The following GRID2 variants were observed in gnomAD, a reference collection of about 807,000 sequenced individuals.
GRID2 encodes glutamate receptor ionotropic, delta-2.
A neutral mutation model predicts 114.8 loss-of-function variants in GRID2; 33 were observed. The observed-to-expected ratio is 0.29, with a 90% CI of 0.22 to 0.38. The LOEUF (loss-of-function observed/expected upper bound fraction) is 0.38. GRID2 is among the 10% of genes least tolerant of loss of function. The pLI, the probability that GRID2 is intolerant of heterozygous loss-of-function variation, is 1.00. For missense variants in GRID2, 1,184 were observed against 1,257.7 expected, an observed-to-expected ratio of 0.94 and a Z score of 0.89; for synonymous variants, 505 against 449.9, an observed-to-expected ratio of 1.12 and a Z score of -1.55.
intron 4 of GRID2, among the ~76,000 whole-genome samples, chr4:93,192,396 T>C (rs936329709): frequency 3.3e-4 from 50 of 152,134 alleles, no homozygotes; most frequent in African/African-American, 1.1e-3. Flanking sequence ...CAACTTATAG[T>C]GTAAGATACA....
intron 8 of GRID2, among the ~76,000 whole-genome samples, chr4:93,362,281 A>G (rs2149276611): frequency 6.6e-6 from 1 of 152,030 alleles, no homozygotes; most frequent in African/African-American, 2.4e-5. Flanking sequence ...TGTTATTCAC[A>G]CCACTTACTA....
intron 13 of GRID2, among the ~76,000 whole-genome samples, chr4:93,534,162 A>T (rs1309665639): frequency 1.3e-5 from 2 of 151,944 alleles, no homozygotes; most frequent in Non-Finnish European, 2.9e-5. Context: ...TGACTTCCCT[A>T]TTTCTAAATG....
intron 1 of GRID2, among the ~76,000 whole-genome samples, chr4:92,358,882 G>T (rs1728471709): frequency 1.3e-5 from 2 of 151,802 alleles, no homozygotes; most frequent in Non-Finnish European, 2.9e-5. Context: ...TATGTATGCT[G>T]TATTCTAATA....
At chr4:92,499,580 GT>G (rs1723568217) in intron 1 of GRID2, among the ~76,000 whole-genome samples, 1 of 152,044 alleles carries the variant, frequency 6.6e-6, no homozygotes, top group Non-Finnish European at 1.5e-5. Context: ...AATAGTGTAG[GT>G]AGGTGATACA....
At chr4:92,713,153 C>G (rs1045414710) in intron 2 of GRID2, among the ~76,000 whole-genome samples, 5 of 150,020 alleles carry the variant, frequency 3.3e-5, no homozygotes, top group East Asian at 4.0e-4. Context: ...CCGCTCCCCC[C>G]ACCCCACAAC....
At chr4:93,800,656 G>C (rs1265202799) in intron 1 of GRID2, among the ~76,000 whole-genome samples, 1 of 152,076 alleles carries the variant, frequency 6.6e-6, no homozygotes, top group African/African-American at 2.4e-5. Flanking sequence ...ATACTTGCAT[G>C]GGTAGTTATA....
intron 8 of GRID2, among the ~76,000 whole-genome samples, chr4:93,252,438 T>G (rs985072819): frequency 1.5e-4 from 22 of 151,706 alleles, no homozygotes; most frequent in African/African-American, 5.3e-4. Context: ...TATCTGTTCT[T>G]GTACAAGTAC....
intron 8 of GRID2, among the ~76,000 whole-genome samples, chr4:93,347,331 A>G (rs1050312473): frequency 3.3e-5 from 5 of 152,196 alleles, no homozygotes; most frequent in South Asian, 2.1e-4. Context: ...AATCTGATAC[A>G]CTTTTTTCCT....
intron 2 of GRID2, 73 bp from the exon 3 acceptor site, chr4:93,084,922 T>A (rs1407013285): frequency 4.4e-6 from 5 of 1,130,898 alleles, no homozygotes; most frequent in African/African-American, 1.5e-5. Context: ...GCTTTATCCA[T>A]CCAGTGCTTC....
intron 14 of GRID2, among the ~76,000 whole-genome samples, chr4:93,680,651 C>G (rs1356601071): frequency 7.0e-6 from 1 of 143,078 alleles, no homozygotes; most frequent in African/African-American, 2.6e-5. Context: ...TGTAATCCAG[C>G]ATATAAACAG....
intron 13 of GRID2, among the ~76,000 whole-genome samples, chr4:93,561,862 CA>C (rs1734957080): frequency 6.6e-6 from 1 of 152,050 alleles, no homozygotes; most frequent in African/African-American, 2.4e-5. Context: ...CTTGATAGCT[CA>C]TTTTTTAAGC....
intron 2 of GRID2, among the ~76,000 whole-genome samples, chr4:92,979,991 T>G (rs1754092440): frequency 6.6e-6 from 1 of 152,178 alleles, no homozygotes; most frequent in Admixed American, 6.6e-5. Context: ...AAAAGAATTT[T>G]GTCTAGCAGG....
chr4:92,647,310 T>G (rs982382605), intron 2 of GRID2, among the ~76,000 whole-genome samples: 18 of 31,522 alleles, frequency 5.7e-4, no homozygotes, highest in African/African-American at 2.0e-3. Flanking sequence ...ATTGTAAGAT[T>G]TTTTTTGTAA....
At position 93,632,927 on chromosome 4, in the gene GRID2, C is replaced by T. The variant is rs961552318; in HGVS notation, c.2360+6492C>T. Among the ~76,000 whole-genome samples the T allele has an allele frequency of 4.6e-5, 7 of 152,152 alleles. No individual in the cohort carries two copies. In the East Asian group the frequency reaches 1.4e-3, roughly 29 times the overall value. On this transcript the variant is annotated intron_variant, in intron 14 of 15. Coordinates refer to ENST00000282020, the MANE Select transcript of GRID2 (RefSeq NM_001510.4). ...GTTTGTAGTTCTCCTTGAAGAGGTCCTTCACATCCCTTGTAAGTTGGATTC... is the reference window on the plus strand; with the variant it reads ...GTTTGTAGTTCTCCTTGAAGAGGTCTTTCACATCCCTTGTAAGTTGGATTC...
chr4:93,257,249 A>C (rs1372308339), intron 8 of GRID2, among the ~76,000 whole-genome samples: 1 of 151,832 alleles, frequency 6.6e-6, no homozygotes, highest in Non-Finnish European at 1.5e-5. Flanking sequence ...CCAAGAAATG[A>C]ACAGAAATTT....
intron 1 of GRID2, among the ~76,000 whole-genome samples, chr4:92,405,344 T>C (rs1011376171): frequency 2.6e-5 from 4 of 152,232 alleles, no homozygotes; most frequent in African/African-American, 9.6e-5. Flanking sequence ...GTTATATTTA[T>C]TCATAAAATT....
At chr4:92,837,810 A>C (rs1661641618) in intron 2 of GRID2, among the ~76,000 whole-genome samples, 1 of 152,126 alleles carries the variant, frequency 6.6e-6, no homozygotes, top group Non-Finnish European at 1.5e-5. Flanking sequence ...ATGCTCTATC[A>C]TAAATTAACA....
At chr4:92,608,506 T>G (rs1463935643) in intron 2 of GRID2, among the ~76,000 whole-genome samples, 2 of 151,830 alleles carry the variant, frequency 1.3e-5, no homozygotes, top group Non-Finnish European at 2.9e-5. Context: ...AAGAAAGAGA[T>G]AAGCGCCCAA....
intron 1 of GRID2, among the ~76,000 whole-genome samples, chr4:92,546,499 G>T (rs761820998): frequency 3.9e-5 from 6 of 152,092 alleles, no homozygotes; most frequent in Non-Finnish European, 2.9e-5. Context: ...TATGTTGTTC[G>T]GTAACTAAGA....
Sources: gnomAD v4.1 joint callset for allele counts (sites outside exome capture counted in the v4.1 genomes callset) on GRCh38, gnomAD v4.1.1 for gene constraint, MANE v1.5 for transcripts, NCBI Gene and HGNC (gene_info 2026-07-23, HGNC 2026-07-21) for gene names.